Variants in CADM2 observed in about 807,000 individuals in gnomAD.
CADM2 encodes immunoglobulin superfamily member 4D.
In CADM2, 12 loss-of-function variants were observed where a neutral mutation model predicts 49.8. The ratio of observed to expected loss-of-function variants is 0.24; its 90% CI spans 0.15 to 0.39. The LOEUF is 0.39. Ranked by LOEUF, CADM2 falls within the 10% of genes least tolerant of loss-of-function variation. CADM2 has a pLI of 1.00. For synonymous variants in CADM2, 214 were observed against 175.4 expected (o/e 1.22, Z -1.74); for missense variants, 378 against 492.3 (o/e 0.77, Z 2.20).
chr3:85,328,317 A>C, intron 1 of CADM2, among the ~76,000 whole-genome samples: 1 of 152,216 alleles, frequency 6.6e-6, no homozygotes, highest in East Asian at 1.9e-4. Flanking sequence ...TTCAAATTGT[A>C]TTTTACAGGA....
chr3:85,991,675 G>A (rs769755601), intron 8 of CADM2, among the ~76,000 whole-genome samples: 5 of 151,896 alleles, frequency 3.3e-5, no homozygotes, highest in Non-Finnish European at 5.9e-5. Flanking sequence ...AAATAAGTAA[G>A]GACTACAATT....
intron 1 of CADM2, among the ~76,000 whole-genome samples, chr3:85,099,890 G>C (rs1052717595): frequency 1.3e-5 from 2 of 152,184 alleles, no homozygotes; most frequent in Non-Finnish European, 2.9e-5. Context: ...TAGGAGAACA[G>C]AGCAATAGTG....
At chr3:85,752,478 A>G (rs1162031518) in intron 2 of CADM2, among the ~76,000 whole-genome samples, 3 of 147,226 alleles carry the variant, frequency 2.0e-5, no homozygotes, top group African/African-American at 7.6e-5. Context: ...GCGTGCACAC[A>G]CACACACACA....
chr3:85,520,316 T>A (rs183943749), intron 1 of CADM2, among the ~76,000 whole-genome samples: 1 of 151,940 alleles, frequency 6.6e-6, no homozygotes, highest in Admixed American at 6.6e-5. Flanking sequence ...AATATTTATT[T>A]TATTTAGTAT....
At chr3:85,268,712 G>C (rs907722320) in intron 1 of CADM2, among the ~76,000 whole-genome samples, 2 of 151,350 alleles carry the variant, frequency 1.3e-5, no homozygotes, top group Non-Finnish European at 3.0e-5. Flanking sequence ...GAAGCCTAAT[G>C]CATTCAGATT....
rs115017373 is a variant in CADM2, at chr3:85,121,091, C to T, written c.61+161423C>T. 6.4e-3 allele frequency among the ~76,000 whole-genome samples: 968 copies of T among 152,254 alleles called. 4 individuals carry two copies. Among genetic ancestry groups the T allele is most frequent in the African/African-American group, 0.022 (926 of 41,546 alleles). On this transcript the variant is annotated intron_variant, in intron 1 of 9. Transcript: ENST00000383699. ...CTGCCTTGATTATGTCTTCAGGCCT[C>T]AATTTCAAGTAAATGAGAGAGCAGA...
At chr3:85,883,705 A>T (rs1251226332) in intron 4 of CADM2, among the ~76,000 whole-genome samples, 1 of 152,194 alleles carries the variant, frequency 6.6e-6, no homozygotes, top group East Asian at 1.9e-4. Context: ...AGCAATAGAC[A>T]CCGGTTCTCT....
At chr3:85,265,269 T>C (rs2043098060) in intron 1 of CADM2, among the ~76,000 whole-genome samples, 1 of 152,036 alleles carries the variant, frequency 6.6e-6, no homozygotes, top group Non-Finnish European at 1.5e-5. Flanking sequence ...GCTATTTTCA[T>C]CTCTAATTGT....
chr3:85,735,913 T>A (rs2107809230), intron 2 of CADM2, among the ~76,000 whole-genome samples: 1 of 152,278 alleles, frequency 6.6e-6, no homozygotes, highest in African/African-American at 2.4e-5. Context: ...ACAATTGGGT[T>A]AATAAATGTG....
Position 85,834,551 on chromosome 3 carries a change from T to C in CADM2, c.238+32355T>C, listed in dbSNP as rs548292840. Among the ~76,000 whole-genome samples, 18 of 151,820 alleles carry C rather than the reference T, an allele frequency of 1.2e-4. 1 individual carries two copies. Among genetic ancestry groups the C allele is most frequent in the Middle Eastern group, 6.8e-3 (2 of 294 alleles). ...TATCAAAATATTCTGATCTGCTTTA[T>C]GTTGGACAATTATTTTTTGAGAAAT... On this transcript the variant is annotated intron_variant, in intron 3 of 9. Coordinates refer to ENST00000383699, the MANE Select transcript of CADM2 (RefSeq NM_001167675.2).
chr3:85,755,193 C>T (rs530556327), intron 2 of CADM2, among the ~76,000 whole-genome samples: 1 of 152,300 alleles, frequency 6.6e-6, no homozygotes, highest in Admixed American at 6.5e-5. Flanking sequence ...GTTACCCATA[C>T]TTGACCTGGC....
At chr3:85,044,746 T>C (rs2035581751) in intron 1 of CADM2, among the ~76,000 whole-genome samples, 1 of 151,982 alleles carries the variant, frequency 6.6e-6, no homozygotes, top group Admixed American at 6.6e-5. Flanking sequence ...AAGCTAAGAA[T>C]ATCCCATTTA....
intron 1 of CADM2, among the ~76,000 whole-genome samples, chr3:85,290,077 G>T (rs2043742769): frequency 6.6e-6 from 1 of 152,090 alleles, no homozygotes; most frequent in African/African-American, 2.4e-5. Flanking sequence ...CAGGTCAGTG[G>T]GTGTGTGCAC....
intron 8 of CADM2, among the ~76,000 whole-genome samples, chr3:85,968,824 G>A (rs1725769564): frequency 6.6e-6 from 1 of 151,678 alleles, no homozygotes. Flanking sequence ...GGGAGGAAAT[G>A]TTGGCATTAG....
At chr3:86,018,006 T>G (rs1435328095) in intron 8 of CADM2, among the ~76,000 whole-genome samples, 3 of 124,970 alleles carry the variant, frequency 2.4e-5, no homozygotes, top group Non-Finnish European at 5.0e-5. Context: ...TAGGTATATC[T>G]CCCAATGCTA....
chr3:85,024,678 A>G (rs187093731), intron 1 of CADM2, among the ~76,000 whole-genome samples: 3,222 of 142,002 alleles, frequency 0.023, 52 homozygotes, highest in Middle Eastern at 0.056. Context: ...TTTTTTTTTT[A>G]CTGTTTACTT....
At chr3:85,400,293 C>T (rs574087821) in intron 1 of CADM2, among the ~76,000 whole-genome samples, 148 of 152,156 alleles carry the variant, frequency 9.7e-4, no homozygotes, top group African/African-American at 3.4e-3. Context: ...ATCCCAGGGA[C>T]GAAGCCCACT....
intron 1 of CADM2, among the ~76,000 whole-genome samples, chr3:85,705,477 C>T (rs550020586): frequency 1.3e-5 from 2 of 152,072 alleles, no homozygotes; most frequent in Non-Finnish European, 2.9e-5. Flanking sequence ...AGTGAGTAGA[C>T]TGGGTAAATG....
intron 8 of CADM2, 110 bp from the exon 9 acceptor site, chr3:86,065,492 GTAT>G: frequency 9.3e-7 from 1 of 1,070,718 alleles, no homozygotes; most frequent in Non-Finnish European, 1.3e-6. Context: ...GCACGTTAAT[GTAT>G]TATTTAACAG....
Sources: allele counts gnomAD v4.1 joint callset (sites outside exome capture counted in the v4.1 genomes callset), GRCh38; gene constraint gnomAD v4.1.1; transcripts MANE v1.5; gene names NCBI Gene and HGNC (gene_info 2026-07-23, HGNC 2026-07-21).